SH3GL2: variants seen among roughly 807,000 people sequenced by gnomAD.
The protein encoded by SH3GL2 is SH3 domain containing GRB2 like 2, endophilin A1, also known as endophilin-A1.
A neutral mutation model predicts 46.0 loss-of-function variants in SH3GL2; 24 were observed. That is an observed-to-expected ratio of 0.52 (90% CI 0.38 to 0.73). SH3GL2 has a LOEUF of 0.73. Ranked by LOEUF, SH3GL2 falls within the 30% of genes least tolerant of loss-of-function variation. SH3GL2 has a pLI of 0.00. For synonymous variants in SH3GL2, 196 were observed against 147.1 expected (o/e 1.33, Z -2.40); for missense variants, 413 against 424.2 (o/e 0.97, Z 0.23).
chr9:17,698,490 G>A (rs149900929), intron 1 of SH3GL2, among the ~76,000 whole-genome samples: 13 of 152,276 alleles, frequency 8.5e-5, no homozygotes, highest in Non-Finnish European at 1.6e-4. Context: ...TTTTAAATCT[G>A]TGTGAATATG....
chr9:17,694,925 G>C (rs1183111734), intron 1 of SH3GL2, among the ~76,000 whole-genome samples: 2 of 151,878 alleles, frequency 1.3e-5, no homozygotes, highest in African/African-American at 4.8e-5. Flanking sequence ...GGCACACTTA[G>C]GTGATACCTT....
chr9:17,732,917 G>C (rs1043668946), intron 1 of SH3GL2, among the ~76,000 whole-genome samples: 1 of 152,068 alleles, frequency 6.6e-6, no homozygotes, highest in Non-Finnish European at 1.5e-5. Context: ...GTTTGAGTGG[G>C]TTTGGAATCA....
intron 1 of SH3GL2, among the ~76,000 whole-genome samples, chr9:17,729,239 A>G (rs562453571): frequency 5.9e-5 from 9 of 152,004 alleles, no homozygotes; most frequent in Non-Finnish European, 1.0e-4. Flanking sequence ...TTTTTTTCAT[A>G]TGTTTGTTGG....
intron 1 of SH3GL2, among the ~76,000 whole-genome samples, chr9:17,709,978 C>G (rs1821575827): frequency 1.3e-5 from 2 of 151,806 alleles, no homozygotes; most frequent in African/African-American, 4.8e-5. Flanking sequence ...CCTATAAGTA[C>G]AAAGTGCTTT....
At chr9:17,792,569 C>G (rs1226554489) in intron 7 of SH3GL2, among the ~76,000 whole-genome samples, 2 of 152,134 alleles carry the variant, frequency 1.3e-5, no homozygotes, top group African/African-American at 2.4e-5. Flanking sequence ...TTCCCTCTTT[C>G]CTTTCCTCCT....
chr9:17,765,538 A>G (rs117005577), intron 3 of SH3GL2, among the ~76,000 whole-genome samples: 1 of 152,188 alleles, frequency 6.6e-6, no homozygotes, highest in Non-Finnish European at 1.5e-5. Flanking sequence ...TGGTCATATT[A>G]TGTAAAACCC....
intron 2 of SH3GL2, among the ~76,000 whole-genome samples, chr9:17,751,966 T>C (rs1369041928): frequency 6.6e-6 from 1 of 152,186 alleles, no homozygotes; most frequent in East Asian, 1.9e-4. Context: ...CTGAGTTACA[T>C]GTTTGCAATA....
intron 1 of SH3GL2, among the ~76,000 whole-genome samples, chr9:17,721,535 C>G (rs1821894197): frequency 6.6e-6 from 1 of 151,990 alleles, no homozygotes; most frequent in Non-Finnish European, 1.5e-5. Context: ...ATGTACCATA[C>G]CATATTTTAC....
At chr9:17,785,784 G>A (rs1412747968) in intron 3 of SH3GL2, among the ~76,000 whole-genome samples, 3 of 152,158 alleles carry the variant, frequency 2.0e-5, no homozygotes, top group Non-Finnish European at 2.9e-5. Flanking sequence ...TGCTGGAGAA[G>A]TGATTAAGTC....
intron 1 of SH3GL2, among the ~76,000 whole-genome samples, chr9:17,638,758 C>T (rs1245393597): frequency 1.3e-5 from 2 of 152,202 alleles, no homozygotes; most frequent in Non-Finnish European, 2.9e-5. Context: ...CTCAGCTAAG[C>T]TGCCAACCTC....
chr9:17,718,609 T>G (rs1821818330), intron 1 of SH3GL2, among the ~76,000 whole-genome samples: 1 of 152,062 alleles, frequency 6.6e-6, no homozygotes, highest in Non-Finnish European at 1.5e-5. Flanking sequence ...ACACTTGTAG[T>G]CCCACTGACT....
At chr9:17,657,310 A>G (rs545838391) in intron 1 of SH3GL2, among the ~76,000 whole-genome samples, 1 of 152,298 alleles carries the variant, frequency 6.6e-6, no homozygotes, top group African/African-American at 2.4e-5. Flanking sequence ...TCATAGATGT[A>G]CATGCACATG....
chr9:17,760,442 GTATATATTGGTATATACTGA>G (rs1187066019), intron 2 of SH3GL2, among the ~76,000 whole-genome samples: 1 of 151,612 alleles, frequency 6.6e-6, no homozygotes, highest in Non-Finnish European at 1.5e-5. Flanking sequence ...TTATATACCG[GTATATATTGGTATATACTGA>G]TATTATACTG....
intron 1 of SH3GL2, among the ~76,000 whole-genome samples, chr9:17,661,430 G>T (rs1820211466): frequency 6.6e-6 from 1 of 152,092 alleles, no homozygotes; most frequent in Non-Finnish European, 1.5e-5. Flanking sequence ...GTGTAATTTG[G>T]TTTGAATAAA....
At chr9:17,740,469 TTG>T (rs1491048452) in intron 1 of SH3GL2, among the ~76,000 whole-genome samples, 3 of 107,492 alleles carry the variant, frequency 2.8e-5, no homozygotes, top group African/African-American at 4.1e-5. Context: ...TCATCAAGTA[TTG>T]TATTGTATTG....
intron 1 of SH3GL2, among the ~76,000 whole-genome samples, chr9:17,698,693 T>C (rs1821268063): frequency 6.6e-6 from 1 of 152,198 alleles, no homozygotes; most frequent in Admixed American, 6.5e-5. Context: ...TCTCTGACTT[T>C]GTTTCTGCTT....
At chr9:17,630,341 C>G (rs138050781) in intron 1 of SH3GL2, 1 of 152,172 alleles carries the variant, frequency 6.6e-6, no homozygotes, top group Non-Finnish European at 1.5e-5. Flanking sequence ...TACTGCCTTT[C>G]GTTTCATAAC....
intron 5 of SH3GL2, 82 bp downstream of exon 5, chr9:17,787,595 T>A: frequency 8.4e-7 from 1 of 1,184,020 alleles, no homozygotes; most frequent in African/African-American, 1.5e-5. Context: ...AAACATTTTT[T>A]TAGCTTACCC....
At chr9:17,750,213 C>G (rs1269357566) in intron 2 of SH3GL2, among the ~76,000 whole-genome samples, 5 of 151,912 alleles carry the variant, frequency 3.3e-5, no homozygotes, top group Admixed American at 3.3e-4. Context: ...TGTTTGAGCT[C>G]AGTGTTCCCA....
Sources: gnomAD v4.1 joint callset for allele counts (sites outside exome capture counted in the v4.1 genomes callset) on GRCh38, gnomAD v4.1.1 for gene constraint, MANE v1.5 for transcripts, NCBI Gene and HGNC (gene_info 2026-07-23, HGNC 2026-07-21) for gene names.